DNAH14: variants seen among roughly 807,000 people sequenced by gnomAD.
DNAH14 encodes the protein dynein axonemal heavy chain 14, also known as axonemal beta dynein heavy chain 14.
Under a neutral mutation model 520.9 loss-of-function variants are expected in DNAH14, and 478 were observed. That is an observed-to-expected ratio of 0.92 (90% CI 0.85 to 0.99). The LOEUF (loss-of-function observed/expected upper bound fraction) is 0.99, where lower values mean the gene tolerates loss of function less well. DNAH14 is among the 50% of genes least tolerant of loss of function. DNAH14 has a pLI of 0.00. For missense variants in DNAH14, 4,831 were observed against 5,234.5 expected (o/e 0.92, Z 2.38); for synonymous variants, 1,581 against 1,757.2 (o/e 0.90, Z 2.51).
At chr1:225,027,800 A>G (rs2066236883) in intron 11 of DNAH14, among the ~76,000 whole-genome samples, 1 of 152,248 alleles carries the variant, frequency 6.6e-6, no homozygotes, top group African/African-American at 2.4e-5. Flanking sequence ...ACACAAATCC[A>G]AACCATATCA....
At chr1:225,387,799 G>C (rs2095859559) in intron 81 of DNAH14, among the ~76,000 whole-genome samples, 1 of 152,140 alleles carries the variant, frequency 6.6e-6, no homozygotes, top group Non-Finnish European at 1.5e-5. Flanking sequence ...AAAGGAGAAA[G>C]GGGCTAGAGG....
intron 48 of DNAH14, 76 bp downstream of exon 48, chr1:225,265,445 C>A: frequency 8.0e-7 from 1 of 1,254,596 alleles, no homozygotes; most frequent in Non-Finnish European, 1.1e-6. Flanking sequence ...TAATACTAAT[C>A]AGAAGAAAAA....
chr1:225,040,678 A>G (rs1004995754), intron 12 of DNAH14, among the ~76,000 whole-genome samples: 1 of 152,110 alleles, frequency 6.6e-6, no homozygotes, highest in Non-Finnish European at 1.5e-5. Flanking sequence ...ACATTCCTGT[A>G]TATTTCTCCT....
At position 225,118,009 on chromosome 1, in the gene DNAH14, A is replaced by G. The variant is rs1182619304; in HGVS notation, c.4091+10A>G. On this transcript the variant is annotated intron_variant, in intron 25 of 85. Transcript: ENST00000682510. ...GTCTCGTGCTGCCAAAGTATGATAA[A>G]TGTTACAAACTGTTTAGATTCTGTA... The G allele has an allele frequency of 1.3e-6, 2 of 1,509,976 alleles. No homozygotes were observed. Among genetic ancestry groups the G allele is most frequent in the Non-Finnish European group, 1.8e-6 (2 of 1,109,120 alleles). The allele number at this position is 1,509,976 out of a possible 1,614,324, so 93.5% of individuals were successfully genotyped here.
At chr1:225,041,051 G>A in intron 12 of DNAH14, among the ~76,000 whole-genome samples, 1 of 152,306 alleles carries the variant, frequency 6.6e-6, no homozygotes, top group Admixed American at 6.5e-5. Flanking sequence ...ATATACATGT[G>A]TGGGTTCAAT....
chr1:225,340,268 AT>A (rs1374704722), intron 68 of DNAH14, among the ~76,000 whole-genome samples, 188 bp from the exon 69 acceptor site: 1 of 152,146 alleles, frequency 6.6e-6, no homozygotes, highest in Non-Finnish European at 1.5e-5. Context: ...CTGTGGTTGT[AT>A]TTTTTTAAGA....
At chr1:225,023,243 A>G (rs1421842387) in intron 10 of DNAH14, among the ~76,000 whole-genome samples, 1 of 152,186 alleles carries the variant, frequency 6.6e-6, no homozygotes, top group Non-Finnish European at 1.5e-5. Flanking sequence ...AACCTAAAAT[A>G]AAAGTAGAAG....
intron 38 of DNAH14, among the ~76,000 whole-genome samples, chr1:225,203,275 A>G (rs1263163246): frequency 6.6e-6 from 1 of 152,226 alleles, no homozygotes; most frequent in Non-Finnish European, 1.5e-5. Context: ...GAAATGCACT[A>G]GAGCATAATG....
At chr1:225,355,498 G>A (rs1193435965) in intron 73 of DNAH14, among the ~76,000 whole-genome samples, 3 of 151,996 alleles carry the variant, frequency 2.0e-5, no homozygotes, top group East Asian at 1.9e-4. Context: ...ATCTCACCCC[G>A]AGGGCAGAGC....
In DNAH14 at chr1:224,934,483, G is replaced by GA. The variant is rs531796397; in HGVS notation, c.-34+4654dup. Among the ~76,000 whole-genome samples the GA allele has an allele frequency of 4.1e-4, 62 of 151,534 alleles. 1 individual carries two copies. The highest frequency in any genetic ancestry group is 2.8e-3 in the Admixed American group (42 of 15,206). On this transcript the variant is annotated intron_variant, in intron 1 of 85. Coordinates refer to ENST00000682510, the MANE Select transcript of DNAH14 (RefSeq NM_001367479.1). ...TAAGTGTTTTGAAATAATTCAGTCA[G>GA]AAAAAATAAAGAAAAAAGTATAAAA...
chr1:225,257,205 T>G (rs997052492), intron 44 of DNAH14, among the ~76,000 whole-genome samples: 4 of 152,206 alleles, frequency 2.6e-5, no homozygotes, highest in Admixed American at 1.3e-4. Flanking sequence ...GGTTAGGGCA[T>G]CCACCACTGG....
intron 8 of DNAH14, among the ~76,000 whole-genome samples, chr1:224,979,006 T>A (rs1415570839): frequency 6.6e-6 from 1 of 152,172 alleles, no homozygotes; most frequent in Admixed American, 6.6e-5. Flanking sequence ...GTGATGAATA[T>A]GCTAATTACC....
At chr1:225,299,828 A>G (rs2150060020) in intron 55 of DNAH14, among the ~76,000 whole-genome samples, 1 of 152,248 alleles carries the variant, frequency 6.6e-6, no homozygotes, top group African/African-American at 2.4e-5. Context: ...TCCATCACAT[A>G]TGAGGTGAGA....
rs189880942 is a variant in DNAH14 at position 225,267,190 on chromosome 1, C to T, written c.7539+421C>T. On this transcript the variant is annotated intron_variant, in intron 49 of 85. Coordinates refer to ENST00000682510, the MANE Select transcript of DNAH14 (RefSeq NM_001367479.1). The stretch of plus-strand genomic sequence containing the variant: ...ACTCTACATCTTTATCTTAAGATCA[C>T]AGATACAGCATTTTAAGGAATATCA... 1.9e-3 allele frequency among the ~76,000 whole-genome samples: 289 copies of T among 151,764 alleles called. 1 individual carries two copies. Among genetic ancestry groups the T allele is most frequent in the Non-Finnish European group, 5.6e-4 (38 of 67,976 alleles).
In DNAH14 at chr1:225,364,869, T is replaced by C; in HGVS notation, c.12065T>C (p.Ile4022Thr). 6.5e-7 allele frequency: 1 copy of C among 1,547,920 alleles called. No individual in the cohort carries two copies. The part of the protein sequence containing the change: ...LSSKSYSSFP[I>T]PVLKKGLKIA... ...TCAAAATCATACAGTTCTTTTCCAATTCCTGTTCTTAAAAAGGGTTTAAAG... is the reference window on the plus strand; with the variant it reads ...TCAAAATCATACAGTTCTTTTCCAACTCCTGTTCTTAAAAAGGGTTTAAAG... The change falls in exon 76 of 86, where the codon ATT becomes ACT. Residue 4022 changes from isoleucine to threonine, a missense_variant. Transcript: ENST00000682510.
intron 21 of DNAH14, among the ~76,000 whole-genome samples, chr1:225,091,241 C>A (rs1197541601): frequency 6.6e-6 from 1 of 152,056 alleles, no homozygotes; most frequent in Non-Finnish European, 1.5e-5. Flanking sequence ...ACACAGAGAA[C>A]CCCTGTGAGG....
chr1:224,984,916 C>T lies in DNAH14; in HGVS notation c.830+10763C>T, dbSNP rs115030793. Among the ~76,000 whole-genome samples, 726 of 152,068 alleles carry T rather than the reference C, an allele frequency of 4.8e-3. 4 individuals carry two copies. Among genetic ancestry groups the T allele is most frequent in the African/African-American group, 0.016 (674 of 41,504 alleles). On this transcript the variant is annotated intron_variant, in intron 8 of 85. Coordinates refer to ENST00000682510, the MANE Select transcript of DNAH14 (RefSeq NM_001367479.1). ...GGAAATGCAAATCAAAACCACAATG[C>T]GATACCTTACTCCTGTAAGAATGCC...
chr1:225,101,381 G>T (rs1344735796), intron 23 of DNAH14, among the ~76,000 whole-genome samples: 1 of 151,958 alleles, frequency 6.6e-6, no homozygotes, highest in Non-Finnish European at 1.5e-5. Context: ...TAATCTTTTA[G>T]TTATTTTTAA....
intron 44 of DNAH14, among the ~76,000 whole-genome samples, chr1:225,256,335 G>A (rs1341006338): frequency 6.6e-6 from 1 of 152,166 alleles, no homozygotes; most frequent in Non-Finnish European, 1.5e-5. Flanking sequence ...TTACCACAGT[G>A]GCGGCTGGAG....
Sources: gnomAD v4.1 joint callset for allele counts (sites outside exome capture counted in the v4.1 genomes callset) on GRCh38, gnomAD v4.1.1 for gene constraint, MANE v1.5 for transcripts, NCBI Gene and HGNC (gene_info 2026-07-23, HGNC 2026-07-21) for gene names.